EIF3B: variants seen among roughly 807,000 people sequenced by gnomAD.
EIF3B encodes eukaryotic translation initiation factor 3 subunit 9.
EIF3B carries 10 observed loss-of-function variants against 104.6 expected under a neutral mutation model. That is an observed-to-expected ratio of 0.10 (90% confidence interval 0.06 to 0.16). EIF3B has a LOEUF of 0.16. Among genes scored for constraint, EIF3B ranks in the 10% least tolerant of loss-of-function variants. The pLI is 1.00. For synonymous variants in EIF3B, 542 were observed against 417.2 expected, an observed-to-expected ratio of 1.30 and a Z score of -3.65; for missense variants, 1,014 against 1,087.9, an observed-to-expected ratio of 0.93 and a Z score of 0.96.
intron 13 of EIF3B, chr7:2,374,846 C>T: frequency 2.3e-6 from 1 of 436,134 alleles, no homozygotes; most frequent in Non-Finnish European, 4.1e-6. Flanking sequence ...AGTGACCAGG[C>T]AGACCTGTCT....
chr7:2,358,854 C>T (rs1779592850), intron 1 of EIF3B, among the ~76,000 whole-genome samples: 1 of 152,182 alleles, frequency 6.6e-6, no homozygotes, highest in Admixed American at 6.5e-5. Flanking sequence ...ACACGTGATG[C>T]TTTCCAGCAG....
At chr7:2,357,262 T>C (rs1192643366) in intron 1 of EIF3B, among the ~76,000 whole-genome samples, 1 of 152,106 alleles carries the variant, frequency 6.6e-6, no homozygotes, top group African/African-American at 2.4e-5. Flanking sequence ...CGGCTGTGGG[T>C]CCTCAGCGGG....
At position 2,371,675 on chromosome 7, in the gene EIF3B, A is replaced by G. The variant is rs1161193436; in HGVS notation, c.1615-102A>G. ...GCACATGCTCGTGTGTGAACCAGGC[A>G]TGCACACTGAATCTTTCATTGTGAC... is the stretch of plus-strand genomic sequence containing the variant. On this transcript the variant is annotated intron_variant, in intron 10 of 18. Coordinates refer to ENST00000360876, the MANE Select transcript of EIF3B (RefSeq NM_001037283.2). 4 of 900,574 alleles carry G rather than the reference A, an allele frequency of 4.4e-6. No individual in the cohort carries two copies. In the African/African-American group the frequency reaches 4.9e-5, roughly 11 times the overall value. The allele number at this position is 900,574 out of a possible 1,614,324, so 55.8% of individuals were successfully genotyped here. A position where few individuals can be genotyped will look rare whatever the true frequency, so the allele number is the denominator to read the frequency against.
chr7:2,363,606 T>C (rs760099071), intron 4 of EIF3B, 26 bp from the exon 5 acceptor site: 13 of 1,584,346 alleles, frequency 8.2e-6, no homozygotes, highest in Middle Eastern at 1.7e-4. Flanking sequence ...TAATGAAATG[T>C]TATATTCCTT....
chr7:2,362,552 C>G (rs1463345082), intron 2 of EIF3B, 93 bp from the exon 3 acceptor site: 2 of 1,517,066 alleles, frequency 1.3e-6, no homozygotes, highest in African/African-American at 1.4e-5. Context: ...CTCCTGGCAC[C>G]GAGGGCTTGT....
intron 11 of EIF3B, chr7:2,372,177 GCCTGGGTGACGGAGCAAGAC>G: frequency 3.2e-6 from 1 of 317,270 alleles, no homozygotes; most frequent in East Asian, 6.1e-5. Flanking sequence ...CTGCACTCCA[GCCTGGGTGACGGAGCAAGAC>G]CCTGTCTAAA....
intron 13 of EIF3B, 177 bp from the exon 14 acceptor site, chr7:2,375,212 T>G: frequency 1.5e-6 from 1 of 674,086 alleles, no homozygotes; most frequent in Non-Finnish European, 2.6e-6. Context: ...CACTGCACAC[T>G]CTGCATCTGT....
At chr7:2,365,327 A>G (rs919603632) in intron 6 of EIF3B, among the ~76,000 whole-genome samples, 1 of 151,972 alleles carries the variant, frequency 6.6e-6, no homozygotes, top group East Asian at 1.9e-4. Context: ...AGGCAGTGTG[A>G]GGCGAGCTGG....
chr7:2,378,940 G>T, intron 16 of EIF3B, 174 bp downstream of exon 16: 2 of 747,968 alleles, frequency 2.7e-6, no homozygotes, highest in South Asian at 3.6e-5. Flanking sequence ...CGGGGACTTG[G>T]AGTTGGTGAC....
intron 5 of EIF3B, 116 bp downstream of exon 5, chr7:2,363,876 A>G (rs1051612634): frequency 7.9e-7 from 1 of 1,269,512 alleles, no homozygotes. Context: ...ATTTTCTTTG[A>G]GATTACTTTC....
At chr7:2,362,620 G>C in intron 2 of EIF3B, 25 bp from the exon 3 acceptor site, 1 of 1,613,906 alleles carries the variant, frequency 6.2e-7, no homozygotes, top group East Asian at 2.2e-5. Flanking sequence ...GTGTGGGTAT[G>C]TGCCAACGGC....
rs377056966 is a variant in EIF3B at position 2,369,616 on chromosome 7, G to C, written c.1548G>C (p.Lys516Asn). 2 of 1,614,024 alleles carry C rather than the reference G, an allele frequency of 1.2e-6. No homozygotes were observed. The highest frequency in any genetic ancestry group is 1.3e-5 in the African/African-American group (1 of 74,900). The change falls in exon 10 of 19, where the codon AAG (lysine) becomes AAC (asparagine). Residue 516 changes from lysine to asparagine, a missense_variant. Transcript: ENST00000360876. ...ACCTGTTCAATGTGGTGGACTGCAA[G>C]CTCCATTGGCAGAAGAACGGAGACT... ...VRNLFNVVDCKLHWQKNGDYL... is the reference protein window; with the variant it reads ...VRNLFNVVDCNLHWQKNGDYL...
Position 2,380,313 on chromosome 7 carries a change from T to C in EIF3B, c.*124T>C. 1 of 517,350 alleles carries C rather than the reference T, an allele frequency of 1.9e-6. No individual in the cohort carries two copies. The highest frequency in any genetic ancestry group is 1.4e-5 in the South Asian group (1 of 71,220). 32.0% of individuals were successfully genotyped at this position (517,350 alleles called of 1,614,324 possible). A position where few individuals can be genotyped will look rare whatever the true frequency, so the allele number is the denominator to read the frequency against. ...GTGTGCTGTGGAGCCGAGGCCGTCC[T>C]GCAGGAAGCCGCGTGACTCCCGCCT... On this transcript the variant is annotated 3_prime_UTR_variant, in exon 19 of 19. Coordinates refer to ENST00000360876, the MANE Select transcript of EIF3B (RefSeq NM_001037283.2).
chr7:2,369,418 C>T (rs1780201904), intron 9 of EIF3B, 54 bp from the exon 10 acceptor site: 3 of 1,568,802 alleles, frequency 1.9e-6, no homozygotes, highest in Admixed American at 1.7e-5. Context: ...TTCTGCTTTT[C>T]AGTTTCGTCA....
intron 6 of EIF3B, 149 bp downstream of exon 6, chr7:2,364,678 C>T (rs1779908884): frequency 1.4e-6 from 1 of 736,668 alleles, no homozygotes; most frequent in Non-Finnish European, 2.2e-6. Context: ...GAGATCTTCT[C>T]ACATTTGGTT....
intron 12 of EIF3B, 82 bp from the exon 13 acceptor site, chr7:2,374,446 C>T (rs1177510918): frequency 7.2e-7 from 1 of 1,388,670 alleles, no homozygotes; most frequent in Non-Finnish European, 1.0e-6. Flanking sequence ...GCAGCATGAG[C>T]ACGGCCAAGT....
At chr7:2,356,508 C>A (rs1329807309) in intron 1 of EIF3B, among the ~76,000 whole-genome samples, 1 of 148,896 alleles carries the variant, frequency 6.7e-6, no homozygotes, top group African/African-American at 2.5e-5. Context: ...GAGGCTGAGG[C>A]AGGAGAATGG....
At chr7:2,372,936 G>C in intron 12 of EIF3B, 141 bp downstream of exon 12, 1 of 863,242 alleles carries the variant, frequency 1.2e-6, no homozygotes, top group Non-Finnish European at 1.6e-6. Context: ...TGTGGCCTCG[G>C]CTGATGGAAG....
intron 12 of EIF3B, chr7:2,373,393 A>G (rs917475918): frequency 6.6e-6 from 1 of 152,376 alleles, no homozygotes; most frequent in Non-Finnish European, 1.5e-5. Context: ...TTGTTGCTTC[A>G]TAGGCGTGGG....
Sources: gnomAD v4.1 joint callset for allele counts (sites outside exome capture counted in the v4.1 genomes callset) on GRCh38, gnomAD v4.1.1 for gene constraint, MANE v1.5 for transcripts, NCBI Gene and HGNC (gene_info 2026-07-23, HGNC 2026-07-21) for gene names.